The following LHFPL6 variants were observed in gnomAD, a reference collection of about 807,000 sequenced individuals.
The protein encoded by LHFPL6 is LHFPL tetraspan subfamily member 6 protein.
A neutral mutation model predicts 20.6 loss-of-function variants in LHFPL6; 9 were observed. The observed-to-expected ratio is 0.44, with a 90% CI of 0.26 to 0.76. LHFPL6 has a LOEUF of 0.76. LHFPL6 is among the 30% of genes least tolerant of loss of function. The probability of loss-of-function intolerance (pLI) is 0.20; values close to 1 mark genes in which losing one functional copy is unlikely to be tolerated. For synonymous variants in LHFPL6, 105 were observed against 98.7 expected (o/e 1.06, Z -0.38); for missense variants, 218 against 253.5 (o/e 0.86, Z 0.95).
At chr13:39,472,766 G>A (rs933834980) in intron 2 of LHFPL6, among the ~76,000 whole-genome samples, 3 of 152,020 alleles carry the variant, frequency 2.0e-5, no homozygotes, top group South Asian at 2.1e-4. Flanking sequence ...CCGACACCAC[G>A]CCCAGCTAAC....
At chr13:39,395,332 T>A (rs1481118247) in intron 2 of LHFPL6, among the ~76,000 whole-genome samples, 1 of 152,128 alleles carries the variant, frequency 6.6e-6, no homozygotes, top group Non-Finnish European at 1.5e-5. Flanking sequence ...GCAGGCTGAG[T>A]AAAAACAATT....
At chr13:39,468,047 T>C (rs1390607145) in intron 2 of LHFPL6, among the ~76,000 whole-genome samples, 4 of 152,210 alleles carry the variant, frequency 2.6e-5, no homozygotes, top group African/African-American at 7.2e-5. Flanking sequence ...GCCTGTCAAA[T>C]TAATATACTT....
chr13:39,508,393 G>A (rs1056139870), intron 2 of LHFPL6, among the ~76,000 whole-genome samples: 6 of 152,028 alleles, frequency 3.9e-5, no homozygotes, highest in African/African-American at 1.4e-4. Context: ...CACATACAAT[G>A]GCAAAACCAT....
At chr13:39,515,044 C>T (rs1370076099) in intron 2 of LHFPL6, among the ~76,000 whole-genome samples, 1 of 152,262 alleles carries the variant, frequency 6.6e-6, no homozygotes, top group Non-Finnish European at 1.5e-5. Flanking sequence ...CGAGCCACTG[C>T]TATTGAACTG....
chr13:39,486,930 C>T (rs1868747776), intron 2 of LHFPL6, among the ~76,000 whole-genome samples: 1 of 152,194 alleles, frequency 6.6e-6, no homozygotes, highest in South Asian at 2.1e-4. Context: ...GGTACTTAAT[C>T]AGCACACAAC....
chr13:39,415,386 T>C (rs921376985), intron 2 of LHFPL6, among the ~76,000 whole-genome samples: 2 of 152,072 alleles, frequency 1.3e-5, no homozygotes, highest in Admixed American at 6.5e-5. Context: ...TTTTTGTGCA[T>C]GTGTATGCAC....
At chr13:39,399,089 T>C (rs548883313) in intron 2 of LHFPL6, among the ~76,000 whole-genome samples, 2 of 152,320 alleles carry the variant, frequency 1.3e-5, no homozygotes, top group East Asian at 1.9e-4. Flanking sequence ...CACTGATTAG[T>C]GCAGGAATTC....
At chr13:39,447,066 T>A (rs1872310365) in intron 2 of LHFPL6, among the ~76,000 whole-genome samples, 1 of 152,202 alleles carries the variant, frequency 6.6e-6, no homozygotes, top group Non-Finnish European at 1.5e-5. Flanking sequence ...CAAATCTAAG[T>A]TGGCCTTGTA....
At chr13:39,372,540 G>A (rs529505540) in intron 3 of LHFPL6, among the ~76,000 whole-genome samples, 9 of 152,298 alleles carry the variant, frequency 5.9e-5, no homozygotes, top group South Asian at 2.1e-4. Flanking sequence ...ATAAATTAGC[G>A]TGATCCAAAA....
At chr13:39,486,464 C>T (rs1868729098) in intron 2 of LHFPL6, among the ~76,000 whole-genome samples, 1 of 152,182 alleles carries the variant, frequency 6.6e-6, no homozygotes, top group African/African-American at 2.4e-5. Context: ...GGTATACATA[C>T]ACACCTATCC....
At chr13:39,458,780 G>GA (rs894044219) in intron 2 of LHFPL6, among the ~76,000 whole-genome samples, 83 of 141,042 alleles carry the variant, frequency 5.9e-4, no homozygotes, top group Non-Finnish European at 9.9e-4. Flanking sequence ...AATGAGGAAA[G>GA]AAAAAAAAAA....
At chr13:39,537,446 C>T (rs906716404) in intron 2 of LHFPL6, among the ~76,000 whole-genome samples, 8 of 152,302 alleles carry the variant, frequency 5.3e-5, no homozygotes, top group South Asian at 4.1e-4. Flanking sequence ...CTTACAGCTC[C>T]GGAATATTTC....
At chr13:39,389,909 C>T (rs1870660188) in intron 2 of LHFPL6, among the ~76,000 whole-genome samples, 1 of 152,134 alleles carries the variant, frequency 6.6e-6, no homozygotes, top group Non-Finnish European at 1.5e-5. Context: ...AGTTCTATTG[C>T]AGAAATTGTT....
chr13:39,442,796 C>T (rs1872175024), intron 2 of LHFPL6, among the ~76,000 whole-genome samples: 1 of 152,136 alleles, frequency 6.6e-6, no homozygotes, highest in Non-Finnish European at 1.5e-5. Flanking sequence ...AGAACAATCT[C>T]CTTCTTAAAA....
At chr13:39,535,172 AG>A in intron 2 of LHFPL6, among the ~76,000 whole-genome samples, 1 of 152,370 alleles carries the variant, frequency 6.6e-6, no homozygotes, top group East Asian at 1.9e-4. Context: ...ATATTGGAGA[AG>A]GGCCCACCCT....
intron 3 of LHFPL6, among the ~76,000 whole-genome samples, chr13:39,356,419 T>C (rs1280775809): frequency 6.6e-6 from 1 of 152,154 alleles, no homozygotes; most frequent in Non-Finnish European, 1.5e-5. Context: ...ATCAAGAAGT[T>C]AGAAAGATCT....
chr13:39,570,450 T>C (rs1026104109), intron 2 of LHFPL6, among the ~76,000 whole-genome samples: 4 of 152,100 alleles, frequency 2.6e-5, no homozygotes, highest in Non-Finnish European at 5.9e-5. Flanking sequence ...GGCTAATTTA[T>C]GTAATTTTTA....
chr13:39,563,750 G>A (rs540227683), intron 2 of LHFPL6, among the ~76,000 whole-genome samples: 10 of 152,224 alleles, frequency 6.6e-5, no homozygotes, highest in African/African-American at 2.2e-4. Context: ...ATGTCTCTGT[G>A]TTTTATTATT....
chr13:39,344,460 A>G (rs1869337078), intron 3 of LHFPL6, among the ~76,000 whole-genome samples: 1 of 152,208 alleles, frequency 6.6e-6, no homozygotes, highest in African/African-American at 2.4e-5. Flanking sequence ...CAAAAGGGCC[A>G]CTTTGAGGAG....
Sources: allele counts gnomAD v4.1 joint callset (sites outside exome capture counted in the v4.1 genomes callset), GRCh38; gene constraint gnomAD v4.1.1; transcripts MANE v1.5; gene names NCBI Gene and HGNC (gene_info 2026-07-23, HGNC 2026-07-21).